The following CERT1 variants were observed in gnomAD, a reference collection of about 807,000 sequenced individuals.
CERT1 encodes ceramide transporter 1.
CERT1 carries 31 observed loss-of-function variants against 87.9 expected under a neutral mutation model. That is an observed-to-expected ratio of 0.35 (90% CI 0.27 to 0.48). The LOEUF (loss-of-function observed/expected upper bound fraction) is 0.48. Among genes scored for constraint, CERT1 ranks in the 20% least tolerant of loss-of-function variants. The pLI, the probability that CERT1 is intolerant of heterozygous loss-of-function variation, is 0.99. For synonymous variants in CERT1, 289 were observed against 250.9 expected, an observed-to-expected ratio of 1.15 and a Z score of -1.44; for missense variants, 487 against 758.0, an observed-to-expected ratio of 0.64 and a Z score of 4.20.
intron 3 of CERT1, among the ~76,000 whole-genome samples, chr5:75,435,324 A>G (rs769740478): frequency 4.6e-5 from 7 of 152,136 alleles, no homozygotes; most frequent in Non-Finnish European, 1.0e-4. Context: ...TCATCTTTCA[A>G]CCCTTGGACT....
chr5:75,510,939 C>T (rs1429601847), intron 1 of CERT1, among the ~76,000 whole-genome samples, 173 bp downstream of exon 1: 3 of 152,168 alleles, frequency 2.0e-5, no homozygotes, highest in African/African-American at 7.2e-5. Context: ...AGCCCCCGGG[C>T]AACAAGGACA....
At chr5:75,394,429 C>T (rs1043930078) in intron 11 of CERT1, among the ~76,000 whole-genome samples, 1 of 152,072 alleles carries the variant, frequency 6.6e-6, no homozygotes, top group Non-Finnish European at 1.5e-5. Context: ...AGGCAAAGAT[C>T]GCTTGAGGTT....
At chr5:75,495,369 C>T (rs1372490753) in intron 2 of CERT1, among the ~76,000 whole-genome samples, 2 of 152,108 alleles carry the variant, frequency 1.3e-5, no homozygotes, top group African/African-American at 4.8e-5. Context: ...CTAGCCTGAG[C>T]AACATGGTCA....
chr5:75,396,511 G>A (rs1222701824), intron 11 of CERT1, among the ~76,000 whole-genome samples: 1 of 151,972 alleles, frequency 6.6e-6, no homozygotes, highest in Non-Finnish European at 1.5e-5. Context: ...CAGATCACCT[G>A]AGGTCAGGAG....
rs554432208 is a variant in CERT1, at chr5:75,393,903, T to C, written c.1189-4216A>G. ...TCACTTGAACCCGGGAGGCGGAGGGTGCAGTGAGCCGAGATCGCGCCACTG... is the reference window on the plus strand; with the variant it reads ...TCACTTGAACCCGGGAGGCGGAGGGCGCAGTGAGCCGAGATCGCGCCACTG... On this transcript the variant is annotated intron_variant, in intron 11 of 16. Transcript: ENST00000643780. 1.4e-3 allele frequency among the ~76,000 whole-genome samples: 207 copies of C among 151,082 alleles called. 1 individual carries two copies. The highest frequency in any genetic ancestry group is 7.2e-3 in the South Asian group (34 of 4,750).
At chr5:75,370,500 T>C (rs900393590) in intron 17 of CERT1, 4 of 152,254 alleles carry the variant, frequency 2.6e-5, no homozygotes, top group Non-Finnish European at 5.9e-5. Context: ...ATGGCTTCTC[T>C]ACCAATCTTT....
At chr5:75,394,149 A>G (rs767345493) in intron 11 of CERT1, among the ~76,000 whole-genome samples, 4 of 152,212 alleles carry the variant, frequency 2.6e-5, no homozygotes, top group African/African-American at 7.2e-5. Context: ...CAGTGCTACT[A>G]TATCAATAGA....
chr5:75,408,456 C>CTGCA (rs1762800024), intron 8 of CERT1, among the ~76,000 whole-genome samples: 1 of 152,184 alleles, frequency 6.6e-6, no homozygotes. Context: ...CCCAGTTCAT[C>CTGCA]TGCATCTCGT....
At chr5:75,486,216 G>A (rs1030684138) in intron 2 of CERT1, among the ~76,000 whole-genome samples, 8 of 151,946 alleles carry the variant, frequency 5.3e-5, no homozygotes, top group Admixed American at 3.3e-4. Context: ...AATCTACGTG[G>A]TACATTATAT....
At chr5:75,424,353 G>A (rs575804664) in intron 5 of CERT1, among the ~76,000 whole-genome samples, 9 of 152,126 alleles carry the variant, frequency 5.9e-5, no homozygotes, top group African/African-American at 1.4e-4. Context: ...AGGCCGAGGC[G>A]GGCAGATCAT....
intron 12 of CERT1, among the ~76,000 whole-genome samples, chr5:75,389,219 C>G (rs1264130029): frequency 6.6e-6 from 1 of 151,952 alleles, no homozygotes; most frequent in Non-Finnish European, 1.5e-5. Flanking sequence ...GGGAGAGAAA[C>G]AAAGTGTCAT....
rs60898983 is a variant in CERT1 at position 75,393,602 on chromosome 5, TAA to T, written c.1189-3917_1189-3916del. Among the ~76,000 whole-genome samples, 286 of 32,750 alleles carry T rather than the reference TAA, an allele frequency of 8.7e-3. 11 individuals carry two copies. The highest frequency in any genetic ancestry group is 0.012 in the Non-Finnish European group (201 of 17,208). The allele number at this position is 32,750 out of a possible 152,430, so 21.5% of individuals were successfully genotyped here. On this transcript the variant is annotated intron_variant, in intron 11 of 16. Coordinates refer to ENST00000643780, the MANE Select transcript of CERT1 (RefSeq NM_001379029.1). ...GCAACATAGCAAGACCTCATCTACT[TAA>T]AAAAAAAAAAAAAAAAAAAGAAAGT...
At chr5:75,396,654 A>AG (rs1351590629) in intron 11 of CERT1, among the ~76,000 whole-genome samples, 1 of 146,714 alleles carries the variant, frequency 6.8e-6, no homozygotes, top group Non-Finnish European at 1.5e-5. Flanking sequence ...GCTTGAATCC[A>AG]GGGGGCAGAG....
At chr5:75,381,744 C>T (rs950187597) in intron 15 of CERT1, among the ~76,000 whole-genome samples, 10 of 152,164 alleles carry the variant, frequency 6.6e-5, no homozygotes, top group East Asian at 1.9e-4. Flanking sequence ...GAAAGGTAAA[C>T]GGCCCTGGTG....
downstream of CERT1, chr5:75,375,659 AAT>A (rs752562788): frequency 4.1e-5 from 6 of 147,392 alleles, no homozygotes; most frequent in Non-Finnish European, 6.0e-5. Flanking sequence ...TATTATATAT[AAT>A]ATATATATAA....
chr5:75,477,663 A>AAC (rs1766025368), intron 2 of CERT1, among the ~76,000 whole-genome samples: 5 of 150,312 alleles, frequency 3.3e-5, no homozygotes, highest in Non-Finnish European at 3.0e-5. Context: ...AAAAAAAAAA[A>AAC]AAAAAACAAC....
intron 2 of CERT1, among the ~76,000 whole-genome samples, chr5:75,482,436 CA>C (rs973308212): frequency 2.2e-4 from 34 of 152,326 alleles, no homozygotes; most frequent in African/African-American, 7.2e-4. Context: ...GGCCCCGGCC[CA>C]GGGGGTAGCT....
chr5:75,457,633 T>C (rs1023676887), intron 3 of CERT1, among the ~76,000 whole-genome samples: 2 of 151,858 alleles, frequency 1.3e-5, no homozygotes, highest in Non-Finnish European at 2.9e-5. Context: ...AAAGGTAACA[T>C]AGTCAATTTT....
chr5:75,457,192 T>C (rs1561276510), intron 3 of CERT1, among the ~76,000 whole-genome samples: 3 of 152,316 alleles, frequency 2.0e-5, no homozygotes, highest in South Asian at 4.1e-4. Flanking sequence ...AGAAACAAGA[T>C]GGTATAATTT....
Sources: allele counts gnomAD v4.1 joint callset (sites outside exome capture counted in the v4.1 genomes callset), GRCh38; gene constraint gnomAD v4.1.1; transcripts MANE v1.5; gene names NCBI Gene and HGNC (gene_info 2026-07-23, HGNC 2026-07-21).